Variants in ATXN7 observed in about 807,000 individuals in gnomAD.
The protein encoded by ATXN7 is ataxin 7, also known as ataxin-7.
A neutral mutation model predicts 70.5 loss-of-function variants in ATXN7; 12 were observed. The observed-to-expected ratio is 0.17, with a 90% confidence interval of 0.11 to 0.28. The LOEUF (loss-of-function observed/expected upper bound fraction) is 0.28. Ranked by LOEUF, ATXN7 falls within the 10% of genes least tolerant of loss-of-function variation. ATXN7 has a pLI of 1.00. For missense variants in ATXN7, 1,256 were observed against 1,131.7 expected, an observed-to-expected ratio of 1.11 and a Z score of -1.58; for synonymous variants, 498 against 448.7, an observed-to-expected ratio of 1.11 and a Z score of -1.39.
intron 4 of ATXN7, among the ~76,000 whole-genome samples, chr3:63,949,023 T>A (rs1287877890): frequency 6.6e-6 from 1 of 152,216 alleles, no homozygotes; most frequent in Non-Finnish European, 1.5e-5. Flanking sequence ...TTATTAATTT[T>A]ATATTTTTAT....
chr3:63,912,494 T>C, intron 2 of ATXN7, 94 bp from the exon 3 acceptor site: 1 of 843,318 alleles, frequency 1.2e-6, no homozygotes, highest in Non-Finnish European at 1.5e-6. Context: ...CCCCACCCGG[T>C]CCGCGGGCCG....
At chr3:63,979,053 C>CTA (rs2075439883) in intron 5 of ATXN7, among the ~76,000 whole-genome samples, 1 of 152,178 alleles carries the variant, frequency 6.6e-6, no homozygotes, top group Non-Finnish European at 1.5e-5. Context: ...GATAAAGTTA[C>CTA]CAAATGATTT....
chr3:63,878,019 A>G (rs758911440), intron 1 of ATXN7, among the ~76,000 whole-genome samples: 1 of 152,238 alleles, frequency 6.6e-6, no homozygotes, highest in Non-Finnish European at 1.5e-5. Flanking sequence ...CATCCTGTTC[A>G]TCTTTTGCAT....
intron 4 of ATXN7, among the ~76,000 whole-genome samples, chr3:63,937,723 G>A (rs1231356755): frequency 1.3e-5 from 2 of 152,172 alleles, no homozygotes; most frequent in Admixed American, 6.5e-5. Flanking sequence ...AACCAGTGAC[G>A]TATCATTGCA....
intron 2 of ATXN7, among the ~76,000 whole-genome samples, chr3:63,906,188 C>T (rs987539401): frequency 1.3e-5 from 2 of 152,188 alleles, no homozygotes; most frequent in Admixed American, 6.5e-5. Context: ...TTTTGTGGAA[C>T]AGTCTGTCTT....
chr3:63,908,581 G>C (rs1192430161), intron 2 of ATXN7, among the ~76,000 whole-genome samples: 1 of 152,184 alleles, frequency 6.6e-6, no homozygotes, highest in Non-Finnish European at 1.5e-5. Context: ...GTAGTTAACT[G>C]CTTTTCAAGT....
intron 2 of ATXN7, chr3:63,905,278 T>G (rs1171288894): frequency 6.6e-6 from 1 of 152,182 alleles, no homozygotes; most frequent in African/African-American, 2.4e-5. Flanking sequence ...TGGCACAATC[T>G]GGGCTCACTG....
intron 5 of ATXN7, among the ~76,000 whole-genome samples, chr3:63,954,513 G>T (rs2075006726): frequency 6.6e-6 from 1 of 152,164 alleles, no homozygotes. Context: ...AGGACCTGTT[G>T]CAGATTTTTT....
chr3:63,879,281 C>T (rs868435141), intron 1 of ATXN7, among the ~76,000 whole-genome samples: 49 of 152,202 alleles, frequency 3.2e-4, no homozygotes, highest in African/African-American at 1.1e-3. Context: ...ATTGGAAAAT[C>T]ACTGAAAGAC....
At chr3:63,899,728 C>T (rs1322876561) in intron 2 of ATXN7, among the ~76,000 whole-genome samples, 1 of 152,178 alleles carries the variant, frequency 6.6e-6, no homozygotes, top group East Asian at 1.9e-4. Context: ...ATTCTGCCGC[C>T]TCAGCCTCCC....
chr3:63,981,076 G>A (rs1352742429), intron 6 of ATXN7, among the ~76,000 whole-genome samples: 1 of 152,184 alleles, frequency 6.6e-6, no homozygotes, highest in Non-Finnish European at 1.5e-5. Flanking sequence ...CTTTTGGAGG[G>A]TATAGCACAC....
chr3:63,973,479 A>G (rs1024786036), intron 5 of ATXN7, among the ~76,000 whole-genome samples: 2 of 152,118 alleles, frequency 1.3e-5, no homozygotes, highest in Admixed American at 1.3e-4. Flanking sequence ...AGACAGCCCC[A>G]ATTGGCACAT....
chr3:63,995,729 A>G lies in ATXN7; in HGVS notation c.1907A>G (p.Asp636Gly), dbSNP rs750714247. The G allele has an allele frequency of 1.2e-6, 2 of 1,614,222 alleles. No homozygotes were observed. Among genetic ancestry groups the G allele is most frequent in the Admixed American group, 1.7e-5 (1 of 60,028 alleles). The change falls in exon 12 of 13, where the codon GAT becomes GGT. Residue 636 changes from aspartate (D) to glycine (G), a missense_variant. Transcript: ENST00000674280. ...CAGCCTGCTGCTTCAGGGGCGATGG[A>G]TCCTGTGTGCAGTATGCAATCCAGA... ...NAQPAASGAMDPVCSMQSRQV... is the reference protein window; with the variant it reads ...NAQPAASGAMGPVCSMQSRQV...
intron 9 of ATXN7, among the ~76,000 whole-genome samples, chr3:63,988,710 A>C: frequency 6.6e-6 from 1 of 152,240 alleles, no homozygotes; most frequent in Admixed American, 6.5e-5. Flanking sequence ...CTTGCTAGGG[A>C]CAAGCCGTTT....
intron 5 of ATXN7, among the ~76,000 whole-genome samples, chr3:63,979,097 C>G (rs2075441307): frequency 6.6e-6 from 1 of 152,198 alleles, no homozygotes. Context: ...TTCAACAGCT[C>G]TTGATTTATA....
intron 5 of ATXN7, among the ~76,000 whole-genome samples, chr3:63,955,290 A>T (rs542438580): frequency 5.9e-5 from 9 of 152,334 alleles, no homozygotes; most frequent in Middle Eastern, 3.4e-3. Context: ...TGGCAGAAAG[A>T]TGAGGGCCAA....
chr3:63,964,770 A>G (rs561325285), intron 5 of ATXN7, among the ~76,000 whole-genome samples: 4 of 152,342 alleles, frequency 2.6e-5, no homozygotes, highest in Admixed American at 2.6e-4. Context: ...GATTCTGGAT[A>G]GCAGGCTTCC....
chr3:63,947,494 A>T (rs900755801), intron 4 of ATXN7, among the ~76,000 whole-genome samples: 1 of 152,210 alleles, frequency 6.6e-6, no homozygotes, highest in Non-Finnish European at 1.5e-5. Context: ...CAGGAGGCTG[A>T]GGTGGAAGGA....
intron 4 of ATXN7, among the ~76,000 whole-genome samples, chr3:63,935,799 G>GT (rs2074652147): frequency 6.6e-6 from 1 of 152,020 alleles, no homozygotes; most frequent in African/African-American, 2.4e-5. Flanking sequence ...TCAGCAATGA[G>GT]TTTGAGTGGT....
Sources: gnomAD v4.1 joint callset for allele counts (sites outside exome capture counted in the v4.1 genomes callset) on GRCh38, gnomAD v4.1.1 for gene constraint, MANE v1.5 for transcripts, NCBI Gene and HGNC (gene_info 2026-07-23, HGNC 2026-07-21) for gene names.